RSU1: variants seen among roughly 807,000 people sequenced by gnomAD.
The protein encoded by RSU1 is rsu-1.
A neutral mutation model predicts 31.1 loss-of-function variants in RSU1; 26 were observed. The ratio of observed to expected loss-of-function variants is 0.84; its 90% CI spans 0.61 to 1.16. The LOEUF is 1.16. Ranked by LOEUF, RSU1 falls within the 50% of genes most tolerant of loss-of-function variation. The pLI is 0.00. For missense variants in RSU1, 320 were observed against 339.1 expected (o/e 0.94, Z 0.44); for synonymous variants, 164 against 136.3 (o/e 1.20, Z -1.41).
chr10:16,764,941 T>C (rs1327024636), intron 3 of RSU1, among the ~76,000 whole-genome samples: 3 of 152,146 alleles, frequency 2.0e-5, no homozygotes, highest in South Asian at 2.1e-4. Context: ...CTTCTTCGTA[T>C]ATGATTAGCT....
At chr10:16,781,238 T>C (rs1837642542) in intron 3 of RSU1, among the ~76,000 whole-genome samples, 1 of 152,146 alleles carries the variant, frequency 6.6e-6, no homozygotes, top group South Asian at 2.1e-4. Context: ...TTAAAATCTT[T>C]AAAGCCACAG....
chr10:16,748,546 G>A (rs1250353546), intron 7 of RSU1, among the ~76,000 whole-genome samples: 1 of 152,136 alleles, frequency 6.6e-6, no homozygotes, highest in East Asian at 1.9e-4. Context: ...TGATTAGGAC[G>A]GGAGCATCTA....
At chr10:16,785,459 C>CAT (rs199948724) in intron 2 of RSU1, among the ~76,000 whole-genome samples, 21 of 68,730 alleles carry the variant, frequency 3.1e-4, no homozygotes, top group African/African-American at 9.5e-4. Context: ...TACATATATA[C>CAT]ATATATATAT....
intron 8 of RSU1, among the ~76,000 whole-genome samples, chr10:16,669,840 T>C (rs963962854): frequency 1.3e-5 from 2 of 152,198 alleles, no homozygotes; most frequent in East Asian, 3.8e-4. Flanking sequence ...TGATGGGCAT[T>C]GGGGTTGATT....
chr10:16,600,695 G>C (rs1352890762), intron 8 of RSU1, among the ~76,000 whole-genome samples: 3 of 151,774 alleles, frequency 2.0e-5, no homozygotes, highest in Non-Finnish European at 4.4e-5. Flanking sequence ...CCAAGTAGCT[G>C]GGGCTACAGG....
At chr10:16,805,822 C>A (rs565985706) in intron 2 of RSU1, among the ~76,000 whole-genome samples, 28 of 151,938 alleles carry the variant, frequency 1.8e-4, no homozygotes, top group African/African-American at 6.5e-4. Context: ...TATTCCAATT[C>A]TATCATCACC....
At chr10:16,649,087 A>G (rs1168956212) in intron 8 of RSU1, among the ~76,000 whole-genome samples, 1 of 152,240 alleles carries the variant, frequency 6.6e-6, no homozygotes, top group Non-Finnish European at 1.5e-5. Flanking sequence ...GAGCTTGCTT[A>G]TTAATCAAAG....
At chr10:16,774,089 G>A (rs1837479156) in intron 3 of RSU1, among the ~76,000 whole-genome samples, 1 of 144,830 alleles carries the variant, frequency 6.9e-6, no homozygotes, top group East Asian at 2.0e-4. Flanking sequence ...AAATGGGAAA[G>A]GTATTCCGTT....
At chr10:16,782,344 G>C (rs1219095062) in intron 2 of RSU1, among the ~76,000 whole-genome samples, 1 of 152,208 alleles carries the variant, frequency 6.6e-6, no homozygotes, top group Non-Finnish European at 1.5e-5. Context: ...AACATGACGA[G>C]GGCCAGTTAG....
At chr10:16,616,680 G>A (rs776002932) in intron 8 of RSU1, among the ~76,000 whole-genome samples, 1 of 152,118 alleles carries the variant, frequency 6.6e-6, no homozygotes, top group African/African-American at 2.4e-5. Flanking sequence ...GGTCAAGTAG[G>A]CTTCACCCCT....
At chr10:16,749,803 C>T (rs1418413844) in intron 7 of RSU1, among the ~76,000 whole-genome samples, 1 of 152,218 alleles carries the variant, frequency 6.6e-6, no homozygotes, top group African/African-American at 2.4e-5. Context: ...AACTCACCAT[C>T]CAGCAACATC....
intron 7 of RSU1, among the ~76,000 whole-genome samples, chr10:16,708,073 A>C (rs1028397618): frequency 6.6e-6 from 1 of 152,054 alleles, no homozygotes; most frequent in African/African-American, 2.4e-5. Context: ...CCACTGGTTT[A>C]TGCGTCTGTT....
At chr10:16,709,049 G>A (rs1835964018) in intron 7 of RSU1, among the ~76,000 whole-genome samples, 1 of 150,774 alleles carries the variant, frequency 6.6e-6, no homozygotes, top group African/African-American at 2.4e-5. Flanking sequence ...TGCACAATGT[G>A]CAGGTTACAT....
intron 8 of RSU1, among the ~76,000 whole-genome samples, chr10:16,606,368 C>T (rs796552658): frequency 1.3e-5 from 2 of 151,948 alleles, no homozygotes; most frequent in South Asian, 4.2e-4. Flanking sequence ...AAACTTCTGA[C>T]CTCAAGTGAT....
chr10:16,673,546 CCTGTCTTGACAGGATTCTT>C (rs1391643004), intron 8 of RSU1, among the ~76,000 whole-genome samples: 28 of 152,062 alleles, frequency 1.8e-4, no homozygotes, highest in Non-Finnish European at 1.5e-5. Context: ...ATGGAGAAGC[CCTGTCTTGACAGGATTCTT>C]CTGTGTGGAG....
intron 2 of RSU1, among the ~76,000 whole-genome samples, chr10:16,799,311 A>G (rs955142471): frequency 6.6e-6 from 1 of 152,168 alleles, no homozygotes; most frequent in Non-Finnish European, 1.5e-5. Flanking sequence ...AAAACAAACA[A>G]CTCTTCCATA....
Position 16,782,062 on chromosome 10 carries a change from T to G in RSU1, c.132A>C (p.Gln44His). Residue 44 changes from glutamine (Q) to histidine (H), a missense_variant, in exon 3 of 9, where the codon CAA becomes CAC. Physicochemically the swap from Gln to His is conservative, Grantham distance 24 (BLOSUM62 0). Coordinates refer to ENST00000345264, the MANE Select transcript of RSU1 (RefSeq NM_012425.4). ...TTAGCTTGTTATGGCTGAGGACCAG[T>G]TGTGTGATATGGGATAAGGTAACTA... Reference protein sequence around the residue: ...NGLFTLSHITQLVLSHNKLTM... With the variant: ...NGLFTLSHITHLVLSHNKLTM... 1.2e-6 allele frequency: 2 copies of G among 1,612,900 alleles called. No individual in the cohort carries two copies. The highest frequency in any genetic ancestry group is 1.7e-6 in the Non-Finnish European group (2 of 1,179,644).
intron 7 of RSU1, among the ~76,000 whole-genome samples, chr10:16,743,526 A>C (rs1156827971): frequency 6.6e-6 from 1 of 152,218 alleles, no homozygotes; most frequent in Non-Finnish European, 1.5e-5. Context: ...CTTAAAACTA[A>C]TCTGAAAAAT....
intron 8 of RSU1, among the ~76,000 whole-genome samples, chr10:16,685,182 A>G (rs1184651851): frequency 6.6e-6 from 1 of 152,202 alleles, no homozygotes; most frequent in Admixed American, 6.5e-5. Context: ...CCTGGGAGGC[A>G]AAGGTTGCAG....
Sources: gnomAD v4.1 joint callset for allele counts (sites outside exome capture counted in the v4.1 genomes callset) on GRCh38, gnomAD v4.1.1 for gene constraint, MANE v1.5 for transcripts, NCBI Gene and HGNC (gene_info 2026-07-23, HGNC 2026-07-21) for gene names.